The following MAPK10 variants were observed in gnomAD, a reference collection of about 807,000 sequenced individuals.
MAPK10 encodes the protein mitogen-activated protein kinase 10.
MAPK10 carries 25 observed loss-of-function variants against 59.3 expected under a neutral mutation model. The observed-to-expected ratio is 0.42, with a 90% CI of 0.31 to 0.59. The LOEUF is 0.59. Ranked by LOEUF, MAPK10 falls within the 20% of genes least tolerant of loss-of-function variation. The probability of loss-of-function intolerance (pLI) is 0.15; values close to 1 mark genes in which losing one functional copy is unlikely to be tolerated. For missense variants in MAPK10, 351 were observed against 568.9 expected, an observed-to-expected ratio of 0.62 and a Z score of 3.90; for synonymous variants, 190 against 200.5, an observed-to-expected ratio of 0.95 and a Z score of 0.44.
intron 9 of MAPK10, among the ~76,000 whole-genome samples, chr4:86,085,759 A>C (rs1387310876): frequency 1.3e-5 from 2 of 152,226 alleles, no homozygotes; most frequent in Non-Finnish European, 2.9e-5. Flanking sequence ...AACAAAAGAA[A>C]GGAAATCAGT....
In MAPK10 at chr4:86,469,534, C is replaced by A. The variant is rs557676002; in HGVS notation, c.-262-114890G>T. 3.9e-5 allele frequency among the ~76,000 whole-genome samples: 6 copies of A among 152,288 alleles called. No homozygotes were observed. The South Asian group carries it at 1.2e-3, about 32-fold the overall frequency. On this transcript the variant is annotated intron_variant, in intron 1 of 4. Transcript: ENST00000502302. The stretch of plus-strand genomic sequence containing the variant: ...AAACACTTGAATGAACTTTAAGAAC[C>A]AGGCAATCACTCACTGCCAAGATTT...
At chr4:86,314,523 C>A (rs1353851751) in intron 2 of MAPK10, among the ~76,000 whole-genome samples, 1 of 152,090 alleles carries the variant, frequency 6.6e-6, no homozygotes, top group African/African-American at 2.4e-5. Flanking sequence ...CTGAGCCCTC[C>A]CCAGCCAGGT....
At chr4:86,389,033 G>A (rs191782185) in intron 1 of MAPK10, among the ~76,000 whole-genome samples, 121 of 152,272 alleles carry the variant, frequency 7.9e-4, no homozygotes, top group Admixed American at 1.6e-3. Context: ...ATCTCATGTC[G>A]AATGATAATC....
intron 3 of MAPK10, among the ~76,000 whole-genome samples, chr4:86,184,412 T>C (rs1432334443): frequency 6.6e-6 from 1 of 152,210 alleles, no homozygotes; most frequent in Non-Finnish European, 1.5e-5. Flanking sequence ...CTACTCATTT[T>C]ACACCACAGC....
chr4:86,251,301 A>C (rs2093410227), intron 2 of MAPK10, among the ~76,000 whole-genome samples: 1 of 151,980 alleles, frequency 6.6e-6, no homozygotes, highest in African/African-American at 2.4e-5. Context: ...CATTAGGTAT[A>C]TCTACCAATG....
At chr4:86,524,051 A>G (rs2149088695) in intron 1 of MAPK10, among the ~76,000 whole-genome samples, 1 of 152,192 alleles carries the variant, frequency 6.6e-6, no homozygotes, top group South Asian at 2.1e-4. Flanking sequence ...TGTTAAAAAG[A>G]GCCTGCCGCT....
chr4:86,431,749 T>C (rs1748074669), intron 1 of MAPK10, among the ~76,000 whole-genome samples: 1 of 152,174 alleles, frequency 6.6e-6, no homozygotes, highest in Admixed American at 6.5e-5. Context: ...AATATACATA[T>C]TTACTAAGCT....
intron 2 of MAPK10, among the ~76,000 whole-genome samples, chr4:86,320,747 A>G (rs1362675679): frequency 1.3e-5 from 2 of 152,180 alleles, no homozygotes; most frequent in Non-Finnish European, 2.9e-5. Context: ...TATGTCCTGA[A>G]TGGTAATGCC....
intron 1 of MAPK10, among the ~76,000 whole-genome samples, chr4:86,374,724 C>T (rs755974836): frequency 2.6e-5 from 4 of 152,210 alleles, no homozygotes; most frequent in East Asian, 1.9e-4. Context: ...AGCACAGGCT[C>T]TTTAGGCCAA....
At chr4:86,162,073 TA>T (rs2069913710) in intron 3 of MAPK10, among the ~76,000 whole-genome samples, 1 of 151,950 alleles carries the variant, frequency 6.6e-6, no homozygotes, top group South Asian at 2.1e-4. Context: ...ATATACATAT[TA>T]TTTGCCAAAT....
intron 1 of MAPK10, among the ~76,000 whole-genome samples, chr4:86,393,622 C>G (rs1742524272): frequency 6.6e-6 from 1 of 152,056 alleles, no homozygotes; most frequent in Admixed American, 6.6e-5. Context: ...ATATTTTTAG[C>G]TTTTTTTAAA....
chr4:86,380,972 G>A (rs1189130138), intron 1 of MAPK10, among the ~76,000 whole-genome samples: 1 of 151,936 alleles, frequency 6.6e-6, no homozygotes, highest in Non-Finnish European at 1.5e-5. Context: ...CGCCTCATTT[G>A]TAACAACCCT....
chr4:86,260,219 G>C (rs1279547782), intron 2 of MAPK10, among the ~76,000 whole-genome samples: 1 of 151,980 alleles, frequency 6.6e-6, no homozygotes, highest in Non-Finnish European at 1.5e-5. Context: ...TTTGATTCTA[G>C]AGCTTCTGTG....
At chr4:86,358,693 A>G (rs1735746638) in intron 1 of MAPK10, 1 of 152,218 alleles carries the variant, frequency 6.6e-6, no homozygotes, top group Non-Finnish European at 1.5e-5. Context: ...ATATGGATAG[A>G]TAGTTTTCTT....
intron 1 of MAPK10, among the ~76,000 whole-genome samples, chr4:86,372,568 GA>G (rs1554253761): frequency 0.014 from 405 of 28,902 alleles, 1 homozygote; most frequent in Middle Eastern, 0.022. Context: ...AAGAAAGAAA[GA>G]AAAGAAAAGA....
At chr4:86,412,698 T>C (rs1056393692) in intron 1 of MAPK10, among the ~76,000 whole-genome samples, 3 of 152,222 alleles carry the variant, frequency 2.0e-5, no homozygotes, top group Admixed American at 6.5e-5. Flanking sequence ...AAATTGGCTA[T>C]TGAAGCTTGT....
At chr4:86,303,040 T>C (rs1415503755) in intron 2 of MAPK10, among the ~76,000 whole-genome samples, 1 of 152,144 alleles carries the variant, frequency 6.6e-6, no homozygotes, top group African/African-American at 2.4e-5. Flanking sequence ...TCTGGATAAT[T>C]ACAATCATTA....
intron 2 of MAPK10, among the ~76,000 whole-genome samples, chr4:86,315,479 T>A (rs1053493408): frequency 6.6e-6 from 1 of 152,088 alleles, no homozygotes; most frequent in African/African-American, 2.4e-5. Flanking sequence ...TTATTATGCA[T>A]TACATGCCTG....
chr4:86,022,755 G>A (rs1469218979), intron 13 of MAPK10, among the ~76,000 whole-genome samples: 5 of 152,066 alleles, frequency 3.3e-5, no homozygotes, highest in Non-Finnish European at 7.4e-5. Context: ...GTGATCTTCC[G>A]ATTTCTGCCT....
Sources: allele counts gnomAD v4.1 joint callset (sites outside exome capture counted in the v4.1 genomes callset), GRCh38; gene constraint gnomAD v4.1.1; transcripts MANE v1.5; gene names NCBI Gene and HGNC (gene_info 2026-07-23, HGNC 2026-07-21).